The following DNAJA1 variants were observed in gnomAD, a reference collection of about 807,000 sequenced individuals.
The protein encoded by DNAJA1 is DnaJ heat shock protein family (Hsp40) member A1, also known as dnaJ homolog subfamily A member 1.
Under a neutral mutation model 47.6 loss-of-function variants are expected in DNAJA1, and 26 were observed. The ratio of observed to expected loss-of-function variants is 0.55; its 90% CI spans 0.40 to 0.76. The LOEUF (loss-of-function observed/expected upper bound fraction) is 0.76. Ranked by LOEUF, DNAJA1 falls within the 30% of genes least tolerant of loss-of-function variation. The pLI, the probability that DNAJA1 is intolerant of heterozygous loss-of-function variation, is 0.00. For missense variants in DNAJA1, 315 were observed against 485.0 expected (o/e 0.65, Z 3.29); for synonymous variants, 165 against 158.4 (o/e 1.04, Z -0.31).
chr9:33,037,207 C>A, intron 8 of DNAJA1, 92 bp downstream of exon 8: 2 of 1,064,026 alleles, frequency 1.9e-6, no homozygotes, highest in Non-Finnish European at 2.7e-6. Context: ...GCAAGTAGCT[C>A]ATGCCTGTAA....
At chr9:33,038,219 C>G (rs1839065311) in intron 8 of DNAJA1, among the ~76,000 whole-genome samples, 1 of 152,136 alleles carries the variant, frequency 6.6e-6, no homozygotes, top group Non-Finnish European at 1.5e-5. Context: ...GTCTCAAACT[C>G]TTGACCTCAG....
intron 5 of DNAJA1, among the ~76,000 whole-genome samples, chr9:33,033,852 G>C (rs1838997627): frequency 6.6e-6 from 1 of 152,202 alleles, no homozygotes; most frequent in Non-Finnish European, 1.5e-5. Context: ...TATAACCAGT[G>C]TTAGCCAGTC....
At chr9:33,025,516 C>T (rs1381229994) in intron 1 of DNAJA1, 133 bp downstream of exon 1, 2 of 152,354 alleles carry the variant, frequency 1.3e-5, no homozygotes, top group Non-Finnish European at 2.9e-5. Flanking sequence ...CCCACGATTT[C>T]CCTTTTGGAG....
intron 3 of DNAJA1, among the ~76,000 whole-genome samples, 163 bp downstream of exon 3, chr9:33,027,153 G>GTT (rs60033892): frequency 0.12 from 16,543 of 140,118 alleles, 1,119 homozygotes; most frequent in East Asian, 0.27. Context: ...TTTTGTTGTG[G>GTT]TTTTTTTTTT....
intron 6 of DNAJA1, 187 bp from the exon 7 acceptor site, chr9:33,036,387 C>T (rs887491255): frequency 2.1e-5 from 8 of 385,918 alleles, no homozygotes; most frequent in East Asian, 1.4e-4. Flanking sequence ...AACTAGGAAA[C>T]GGGGCTGGCA....
intron 3 of DNAJA1, 117 bp from the exon 4 acceptor site, chr9:33,029,768 G>C: frequency 1.4e-6 from 1 of 728,244 alleles, no homozygotes; most frequent in Non-Finnish European, 2.2e-6. Flanking sequence ...GTAGTCAACA[G>C]ATGTACCCTG....
intron 2 of DNAJA1, 57 bp downstream of exon 2, chr9:33,026,673 T>C: frequency 6.4e-7 from 1 of 1,572,600 alleles, no homozygotes; most frequent in Non-Finnish European, 8.6e-7. Flanking sequence ...ACGTATAGTA[T>C]TTCTATTATG....
chr9:33,026,662 G>A, intron 2 of DNAJA1, 46 bp downstream of exon 2: 1 of 1,578,684 alleles, frequency 6.3e-7, no homozygotes, highest in Non-Finnish European at 8.6e-7. Flanking sequence ...TTCTTTGCCA[G>A]ACGTATAGTA....
intron 5 of DNAJA1, among the ~76,000 whole-genome samples, chr9:33,033,848 C>T (rs1817102180): frequency 6.6e-6 from 1 of 151,938 alleles, no homozygotes. Flanking sequence ...TGGTTATAAC[C>T]AGTGTTAGCC....
chr9:33,025,693 C>G (rs1208212229), intron 1 of DNAJA1, among the ~76,000 whole-genome samples: 1 of 116,080 alleles, frequency 8.6e-6, no homozygotes, highest in Middle Eastern at 4.2e-3. Context: ...CGTGCTCGCT[C>G]GGGGTGGGGG....
intron 1 of DNAJA1, among the ~76,000 whole-genome samples, chr9:33,025,698 T>TGGGGG (rs58332210): frequency 6.8e-6 from 1 of 146,932 alleles, no homozygotes; most frequent in African/African-American, 2.5e-5. Flanking sequence ...TCGCTCGGGG[T>TGGGGG]GGGGGGGGGG....
chr9:33,030,549 T>G lies in DNAJA1; in HGVS notation c.525T>G (p.Ser175=). The G allele has an allele frequency of 6.2e-7, 1 of 1,614,170 alleles. No homozygotes were observed. The highest frequency in any genetic ancestry group is 8.5e-7 in the Non-Finnish European group (1 of 1,180,028). ...IGPGMVQQIQ[S]VCMECQGHGE... ...CTGGAATGGTTCAGCAAATTCAGTC[T>G]GTGTGCATGGAGTGCCAGGGCCATG... The change falls in exon 5 of 9, where the codon TCT becomes TCG. Residue 175 remains serine (S), a synonymous_variant. Coordinates refer to ENST00000330899, the MANE Select transcript of DNAJA1 (RefSeq NM_001539.4).
intron 8 of DNAJA1, 61 bp downstream of exon 8, chr9:33,037,176 A>G: frequency 6.6e-7 from 1 of 1,515,020 alleles, no homozygotes; most frequent in Non-Finnish European, 9.0e-7. Flanking sequence ...ATCTGATAAA[A>G]AAGTAAAATT....
At chr9:33,037,137 G>C in intron 8 of DNAJA1, 22 bp downstream of exon 8, 1 of 1,596,186 alleles carries the variant, frequency 6.3e-7, no homozygotes, top group Non-Finnish European at 8.6e-7. Flanking sequence ...TGTACTTTAA[G>C]AATACTTGAG....
chr9:33,038,832 C>T lies in DNAJA1; in HGVS notation c.1123C>T (p.His375Tyr). The change falls in exon 9 of 9, where the codon CAC becomes TAC. Residue 375 changes from histidine to tyrosine, a missense_variant. His to Tyr is a moderately conservative substitution (Grantham distance 83). Transcript: ENST00000330899. Reference protein sequence around the residue: ...DFDPNQERRRHYNGEAYEDDE... With the variant: ...DFDPNQERRRYYNGEAYEDDE... ...TGATCCAAATCAGGAAAGACGGCGC[C>T]ACTACAATGGAGAAGCATATGAGGA... 1 of 1,614,044 alleles carries T rather than the reference C, an allele frequency of 6.2e-7. No individual in the cohort carries two copies. The highest frequency in any genetic ancestry group is 8.5e-7 in the Non-Finnish European group (1 of 1,180,020).
At chr9:33,030,091 C>T in intron 4 of DNAJA1, 102 bp downstream of exon 4, 1 of 1,104,336 alleles carries the variant, frequency 9.1e-7, no homozygotes, top group Non-Finnish European at 1.3e-6. Context: ...AAAATTGATT[C>T]ATGTACACTA....
chr9:33,034,508 CT>C (rs1839006301), intron 6 of DNAJA1, among the ~76,000 whole-genome samples, 178 bp downstream of exon 6: 1 of 152,036 alleles, frequency 6.6e-6, no homozygotes, highest in African/African-American at 2.4e-5. Flanking sequence ...AGATTTTTAG[CT>C]TTTTGTCTCT....
intron 8 of DNAJA1, among the ~76,000 whole-genome samples, chr9:33,037,733 A>G (rs913660707): frequency 6.6e-6 from 1 of 152,182 alleles, no homozygotes; most frequent in Non-Finnish European, 1.5e-5. Context: ...CATGTTGAGC[A>G]TTCTTTGTTA....
intron 5 of DNAJA1, among the ~76,000 whole-genome samples, chr9:33,031,789 T>C (rs1011749373): frequency 2.0e-5 from 3 of 152,220 alleles, no homozygotes; most frequent in Admixed American, 1.3e-4. Flanking sequence ...CCATCTATTA[T>C]ATTTAAATGC....
Sources: gnomAD v4.1 joint callset for allele counts (sites outside exome capture counted in the v4.1 genomes callset) on GRCh38, gnomAD v4.1.1 for gene constraint, MANE v1.5 for transcripts, NCBI Gene and HGNC (gene_info 2026-07-23, HGNC 2026-07-21) for gene names.